SCAPER: variants seen among roughly 807,000 people sequenced by gnomAD.
The protein encoded by SCAPER is S-phase cyclin A associated protein in the ER.
In SCAPER, 98 loss-of-function variants were observed where a neutral mutation model predicts 182.2. That is an observed-to-expected ratio of 0.54 (90% confidence interval 0.46 to 0.64). The LOEUF (loss-of-function observed/expected upper bound fraction) is 0.64. SCAPER is among the 30% of genes least tolerant of loss of function. SCAPER has a pLI of 0.00. For missense variants in SCAPER, 1,432 were observed against 1,690.0 expected (o/e 0.85, Z 2.68); for synonymous variants, 605 against 564.6 (o/e 1.07, Z -1.01).
At chr15:76,881,132 G>A (rs186863372) in intron 2 of SCAPER, among the ~76,000 whole-genome samples, 85 of 152,256 alleles carry the variant, frequency 5.6e-4, no homozygotes, top group South Asian at 1.0e-3. Flanking sequence ...GTCTTGCTCT[G>A]ACACAAAGGC....
At position 76,771,926 on chromosome 15, in the gene SCAPER, T is replaced by C; in HGVS notation, c.1064A>G (p.Lys355Arg). ...QFTVSTLDDV[K>R]NSGSIRDNYV... Reference sequence around the variant, plus strand: ...ATTGTCTCGAATACTGCCAGAATTCTTCACATCATCCAATGTACTCACTGT... The same window carrying C: ...ATTGTCTCGAATACTGCCAGAATTCCTCACATCATCCAATGTACTCACTGT... The change falls in exon 10 of 32, where the codon AAG becomes AGG. Residue 355 changes from lysine (K) to arginine (R), a missense_variant. This residue lies in a region of SCAPER where 480 missense variants were observed against 510.2 expected (regional missense o/e 0.94). Coordinates refer to ENST00000563290, the MANE Select transcript of SCAPER (RefSeq NM_020843.4). 1 of 1,611,574 alleles carries C rather than the reference T, an allele frequency of 6.2e-7. No homozygotes were observed. Among genetic ancestry groups the C allele is most frequent in the Non-Finnish European group, 8.5e-7 (1 of 1,179,114 alleles).
intron 16 of SCAPER, among the ~76,000 whole-genome samples, chr15:76,729,599 G>C (rs1470240956): frequency 6.6e-6 from 1 of 151,990 alleles, no homozygotes; most frequent in Non-Finnish European, 1.5e-5. Flanking sequence ...CAGATTCCCT[G>C]GTTTTGTTTC....
At chr15:76,647,829 T>C (rs1052260478) in intron 21 of SCAPER, among the ~76,000 whole-genome samples, 4 of 152,252 alleles carry the variant, frequency 2.6e-5, no homozygotes, top group South Asian at 4.1e-4. Flanking sequence ...AGTCATTCTG[T>C]AGAGAGTTCA....
intron 17 of SCAPER, among the ~76,000 whole-genome samples, chr15:76,707,705 AAAT>A (rs2059329844): frequency 1.3e-5 from 2 of 152,112 alleles, no homozygotes; most frequent in Admixed American, 1.3e-4. Context: ...ACTACAGAGA[AAAT>A]CAGCAGTATA....
At chr15:76,522,731 G>C (rs1365732600) in intron 23 of SCAPER, among the ~76,000 whole-genome samples, 2 of 152,032 alleles carry the variant, frequency 1.3e-5, no homozygotes, top group African/African-American at 4.8e-5. Context: ...TTCTAAAATT[G>C]ATTGTGGTCA....
intron 27 of SCAPER, among the ~76,000 whole-genome samples, chr15:76,383,949 G>C (rs889025258): frequency 4.6e-5 from 7 of 152,128 alleles, no homozygotes; most frequent in Non-Finnish European, 1.0e-4. Flanking sequence ...TTTAAGAAAT[G>C]ATATTTATTT....
chr15:76,642,437 A>G (rs1334183750), intron 21 of SCAPER, among the ~76,000 whole-genome samples: 1 of 152,200 alleles, frequency 6.6e-6, no homozygotes, highest in Non-Finnish European at 1.5e-5. Flanking sequence ...TTATTCTTCA[A>G]TTTAATTTTT....
At position 76,540,861 on chromosome 15, in the gene SCAPER, A is replaced by G. The variant is rs1597290148; in HGVS notation, c.2838+33297T>C. On this transcript the variant is annotated intron_variant, in intron 23 of 31. Transcript: ENST00000563290. ...TTTGTGGCTGGGTGCAGTGGCTCAC[A>G]CCTGTAATCCCAGGACTTTGGGAGG... is the stretch of plus-strand genomic sequence containing the variant. Among the ~76,000 whole-genome samples the G allele has an allele frequency of 2.6e-5, 4 of 152,158 alleles. No homozygotes were observed. In the Middle Eastern group the frequency reaches 0.01, roughly 388 times the overall value.
In SCAPER at chr15:76,804,631, C is replaced by T; in HGVS notation, c.396G>A (p.Glu132=). 2 of 1,581,102 alleles carry T rather than the reference C, an allele frequency of 1.3e-6. No individual in the cohort carries two copies. Among genetic ancestry groups the T allele is most frequent in the Non-Finnish European group, 1.7e-6 (2 of 1,165,518 alleles). ...CATAGTTATCCAGCATCATTAGCAC[C>T]TCCTAAAAGAAACAAAACAAAAAAA... The part of the protein sequence containing the change: ...ESDQSVVECK[E]VLMMLDNYVR... Residue 132 remains glutamate, a splice_region_variant and synonymous_variant, in exon 6 of 32, where the codon GAG becomes GAA. Coordinates refer to ENST00000563290, the MANE Select transcript of SCAPER (RefSeq NM_020843.4).
rs1426257691 is a variant in SCAPER, at chr15:76,440,854, T to C, written c.3079-6544A>G. On this transcript the variant is annotated intron_variant, in intron 25 of 31. Transcript: ENST00000563290. ...CTTGAAAATATAAAAGGAAATCACA[T>C]AGAAGTGGCTAGTAGTTCCTCACTA... Among the ~76,000 whole-genome samples, 5 of 149,208 alleles carry C rather than the reference T, an allele frequency of 3.4e-5. No individual in the cohort carries two copies. The East Asian group carries it at 8.0e-4, about 24-fold the overall frequency.
At chr15:76,473,614 T>C (rs969143968) in intron 24 of SCAPER, among the ~76,000 whole-genome samples, 1 of 152,028 alleles carries the variant, frequency 6.6e-6, no homozygotes, top group Non-Finnish European at 1.5e-5. Flanking sequence ...AGACCAGCAG[T>C]ATTGGGAACT....
intron 4 of SCAPER, among the ~76,000 whole-genome samples, chr15:76,842,324 G>A (rs1288326712): frequency 6.6e-6 from 1 of 152,146 alleles, no homozygotes; most frequent in Non-Finnish European, 1.5e-5. Flanking sequence ...TAATCCCCAC[G>A]TGTAAAGGGA....
At chr15:76,513,310 A>G (rs1187987332) in intron 23 of SCAPER, among the ~76,000 whole-genome samples, 1 of 152,230 alleles carries the variant, frequency 6.6e-6, no homozygotes, top group African/African-American at 2.4e-5. Context: ...CATGTTAAAT[A>G]TAACAAGGAG....
intron 24 of SCAPER, among the ~76,000 whole-genome samples, chr15:76,493,891 T>A (rs993001341): frequency 6.6e-6 from 1 of 152,184 alleles, no homozygotes; most frequent in Non-Finnish European, 1.5e-5. Context: ...TGGAGAAGAG[T>A]ATTTATCAAT....
intron 5 of SCAPER, among the ~76,000 whole-genome samples, chr15:76,808,094 T>G (rs1161502219): frequency 6.6e-6 from 1 of 152,106 alleles, no homozygotes; most frequent in Non-Finnish European, 1.5e-5. Flanking sequence ...TCAACAGGTG[T>G]GTGAGCACTT....
rs564539414 is a variant in SCAPER at position 76,839,568 on chromosome 15, CT to C, written c.393+2165del. Among the ~76,000 whole-genome samples, 25 of 152,260 alleles carry C rather than the reference CT, an allele frequency of 1.6e-4. No individual in the cohort carries two copies. In the East Asian group the frequency reaches 4.8e-3, roughly 29 times the overall value. On this transcript the variant is annotated intron_variant, in intron 5 of 31. Transcript: ENST00000563290. ...GGAGAAGAGTAGAATATAAAAATAC[CT>C]TTTAAACTCCTAGATTTCTCAGCAT...
intron 22 of SCAPER, among the ~76,000 whole-genome samples, chr15:76,575,027 CATT>C (rs1487463020): frequency 1.3e-5 from 2 of 152,146 alleles, no homozygotes; most frequent in African/African-American, 4.8e-5. Context: ...CACAGTACAT[CATT>C]ATAATCATTT....
At position 76,534,198 on chromosome 15, in the gene SCAPER, T is replaced by C. The variant is rs1324048185; in HGVS notation, c.2839-29224A>G. Among the ~76,000 whole-genome samples the C allele has an allele frequency of 2.0e-5, 3 of 152,230 alleles. No homozygotes were observed. In the East Asian group the frequency reaches 5.8e-4, roughly 29 times the overall value. ...TACAATGTGATAAACACCGTCTGTC[T>C]ACAGTTCCCCTGTATTTGAAAGTTA... is the stretch of plus-strand genomic sequence containing the variant. On this transcript the variant is annotated intron_variant, in intron 23 of 31. Transcript: ENST00000563290.
chr15:76,695,974 G>A (rs2058637924), intron 20 of SCAPER, among the ~76,000 whole-genome samples: 1 of 152,142 alleles, frequency 6.6e-6, no homozygotes, highest in African/African-American at 2.4e-5. Flanking sequence ...TGAGGTATTA[G>A]ATGGGAAAAA....
Sources: allele counts gnomAD v4.1 joint callset (sites outside exome capture counted in the v4.1 genomes callset), GRCh38; gene constraint gnomAD v4.1.1; regional missense constraint gnomAD v4.1.1; transcripts MANE v1.5; gene names NCBI Gene and HGNC (gene_info 2026-07-23, HGNC 2026-07-21).